PALLD: variants seen among roughly 807,000 people sequenced by gnomAD.
PALLD encodes palladin, cytoskeletal associated protein, also known as palladin.
Under a neutral mutation model 123.5 loss-of-function variants are expected in PALLD, and 61 were observed. The ratio of observed to expected loss-of-function variants is 0.49; its 90% CI spans 0.40 to 0.61. PALLD has a LOEUF of 0.61. Among genes scored for constraint, PALLD ranks in the 20% least tolerant of loss-of-function variants. The pLI is 0.00. For missense variants in PALLD, 1,273 were observed against 1,377.0 expected (o/e 0.92, Z 1.20); for synonymous variants, 465 against 496.4 (o/e 0.94, Z 0.84).
chr4:168,654,760 A>G (rs1357905858), intron 2 of PALLD: 1 of 152,262 alleles, frequency 6.6e-6, no homozygotes, highest in East Asian at 1.9e-4. Flanking sequence ...TCTCAGGGGA[A>G]GCAGTGGAGG....
intron 2 of PALLD, among the ~76,000 whole-genome samples, chr4:168,663,173 T>C (rs1779288696): frequency 6.6e-6 from 1 of 152,214 alleles, no homozygotes; most frequent in African/African-American, 2.4e-5. Flanking sequence ...TATTCGGATG[T>C]GGTGAGGTCA....
chr4:168,906,591 C>A (rs1306960328), intron 15 of PALLD, among the ~76,000 whole-genome samples: 1 of 152,086 alleles, frequency 6.6e-6, no homozygotes, highest in East Asian at 1.9e-4. Context: ...CAAATATATA[C>A]AATTATAATT....
chr4:168,803,488 C>T (rs558723095), intron 10 of PALLD, among the ~76,000 whole-genome samples: 1 of 151,964 alleles, frequency 6.6e-6, no homozygotes, highest in South Asian at 2.1e-4. Context: ...AACTCGAGAC[C>T]AGCCTGGGCA....
At chr4:168,556,893 C>T (rs1027609399) in intron 2 of PALLD, among the ~76,000 whole-genome samples, 4 of 152,160 alleles carry the variant, frequency 2.6e-5, no homozygotes, top group Non-Finnish European at 4.4e-5. Flanking sequence ...CTACTTCTGC[C>T]TGTGGTTTAT....
chr4:168,535,820 T>G (rs941982877), intron 2 of PALLD, among the ~76,000 whole-genome samples: 1 of 152,184 alleles, frequency 6.6e-6, no homozygotes, highest in African/African-American at 2.4e-5. Context: ...TCCTTTATGC[T>G]GTCTATAAGG....
chr4:168,745,054 C>CT (rs1318717334), intron 10 of PALLD, among the ~76,000 whole-genome samples: 1 of 152,150 alleles, frequency 6.6e-6, no homozygotes, highest in Non-Finnish European at 1.5e-5. Flanking sequence ...GACTCTACCT[C>CT]TTTAGTTCAG....
chr4:168,846,777 C>G (rs1354163038), intron 10 of PALLD, among the ~76,000 whole-genome samples: 1 of 152,134 alleles, frequency 6.6e-6, no homozygotes, highest in Non-Finnish European at 1.5e-5. Context: ...GGGTATGGTA[C>G]CCACACTGGT....
rs116517546 is a variant in PALLD, at chr4:168,593,967, G to A, written c.909-74223G>A. On this transcript the variant is annotated intron_variant, in intron 2 of 21. Coordinates refer to ENST00000505667, the MANE Select transcript of PALLD (RefSeq NM_001166108.2). The stretch of plus-strand genomic sequence containing the variant: ...TGTTTAGCTAGATGAGTTTATTGGA[G>A]GCTTATAGAAAAAGGACCATCTGGG... Among the ~76,000 whole-genome samples, 743 of 152,264 alleles carry A rather than the reference G, an allele frequency of 4.9e-3. 11 individuals carry two copies. Among genetic ancestry groups the A allele is most frequent in the African/African-American group, 0.017 (713 of 41,560 alleles).
intron 2 of PALLD, among the ~76,000 whole-genome samples, chr4:168,514,749 C>T (rs1267229552): frequency 6.6e-6 from 1 of 152,190 alleles, no homozygotes; most frequent in Non-Finnish European, 1.5e-5. Context: ...CCTACATTTA[C>T]TTCCAAAATA....
At chr4:168,610,619 T>C (rs1019920869) in intron 2 of PALLD, among the ~76,000 whole-genome samples, 2 of 152,036 alleles carry the variant, frequency 1.3e-5, no homozygotes, top group Non-Finnish European at 2.9e-5. Flanking sequence ...ACCAAAGGGG[T>C]AGAAATAAAC....
chr4:168,698,207 A>G (rs973538867), intron 8 of PALLD, among the ~76,000 whole-genome samples: 2 of 152,194 alleles, frequency 1.3e-5, no homozygotes, highest in Non-Finnish European at 2.9e-5. Flanking sequence ...TGGGAGGGGT[A>G]TTGAGAGGCT....
intron 10 of PALLD, among the ~76,000 whole-genome samples, chr4:168,831,359 GA>G (rs1415886055): frequency 6.6e-6 from 1 of 152,158 alleles, no homozygotes; most frequent in Non-Finnish European, 1.5e-5. Context: ...AGGATCACAG[GA>G]TAGGATAGGG....
intron 10 of PALLD, among the ~76,000 whole-genome samples, chr4:168,721,293 A>C (rs1421040950): frequency 6.6e-6 from 1 of 152,170 alleles, no homozygotes; most frequent in African/African-American, 2.4e-5. Context: ...GAGACCTTTT[A>C]TTTTAAAAGG....
chr4:168,648,820 T>C (rs1777748819), intron 2 of PALLD: 1 of 152,274 alleles, frequency 6.6e-6, no homozygotes, highest in African/African-American at 2.4e-5. Flanking sequence ...AATTATTTTA[T>C]TCATGTGGTA....
intron 12 of PALLD, among the ~76,000 whole-genome samples, chr4:168,895,786 A>C (rs982562243): frequency 6.6e-6 from 1 of 152,264 alleles, no homozygotes; most frequent in Non-Finnish European, 1.5e-5. Context: ...TTTAGTCTTA[A>C]TATCTAGTCA....
intron 2 of PALLD, among the ~76,000 whole-genome samples, chr4:168,605,968 C>T (rs1179356063): frequency 6.6e-6 from 1 of 151,892 alleles, no homozygotes; most frequent in Admixed American, 6.6e-5. Context: ...CTAGAAATCT[C>T]TTTTTTTCAT....
intron 14 of PALLD, 63 bp from the exon 15 acceptor site, chr4:168,903,694 A>G: frequency 7.4e-7 from 1 of 1,354,324 alleles, no homozygotes; most frequent in African/African-American, 1.4e-5. Flanking sequence ...TACTATTTTC[A>G]GTTCTCCAAA....
At chr4:168,699,140 A>G (rs1285620671) in intron 8 of PALLD, among the ~76,000 whole-genome samples, 1 of 152,116 alleles carries the variant, frequency 6.6e-6, no homozygotes, top group African/African-American at 2.4e-5. Flanking sequence ...GTGCAGTGGC[A>G]TGATCTTGGT....
intron 10 of PALLD, among the ~76,000 whole-genome samples, chr4:168,779,961 T>C (rs140069042): frequency 5.3e-4 from 80 of 152,056 alleles, no homozygotes; most frequent in African/African-American, 1.8e-3. Context: ...TGCAGTGGCG[T>C]GATCTCAGCT....
Sources: gnomAD v4.1 joint callset for allele counts (sites outside exome capture counted in the v4.1 genomes callset) on GRCh38, gnomAD v4.1.1 for gene constraint, MANE v1.5 for transcripts, NCBI Gene and HGNC (gene_info 2026-07-23, HGNC 2026-07-21) for gene names.